The following ZNF506 variants were observed in gnomAD, a reference collection of about 807,000 sequenced individuals.
The protein encoded by ZNF506 is zinc finger protein 506.
Under a neutral mutation model 11.6 loss-of-function variants are expected in ZNF506, and 10 were observed. That is an observed-to-expected ratio of 0.86 (90% CI 0.53 to 1.46). The LOEUF is 1.46. Ranked by LOEUF, ZNF506 falls within the 40% of genes most tolerant of loss-of-function variation. The pLI, the probability that ZNF506 is intolerant of heterozygous loss-of-function variation, is 0.00. For synonymous variants in ZNF506, 156 were observed against 173.3 expected (o/e 0.90, Z 0.78); for missense variants, 425 against 521.2 (o/e 0.82, Z 1.80).
chr19:19,814,285 G>C (rs762816513), intron 1 of ZNF506, among the ~76,000 whole-genome samples: 2 of 151,944 alleles, frequency 1.3e-5, no homozygotes, highest in Non-Finnish European at 2.9e-5. Flanking sequence ...GCACGTGCCT[G>C]TAATTCCAGC....
chr19:19,813,356 G>A (rs1469705237), intron 1 of ZNF506, among the ~76,000 whole-genome samples: 3 of 151,922 alleles, frequency 2.0e-5, no homozygotes, highest in Non-Finnish European at 2.9e-5. Context: ...TTTAAAAATT[G>A]CAACTATATT....
rs1178993259 is a variant in ZNF506, at chr19:19,806,201, G to A, written c.131-75C>T. 26 of 1,085,028 alleles carry A rather than the reference G, an allele frequency of 2.4e-5. No homozygotes were observed. The East Asian group carries it at 7.4e-4, about 31-fold the overall frequency. 67.2% of individuals were successfully genotyped at this position (1,085,028 alleles called of 1,614,324 possible). On this transcript the variant is annotated intron_variant, in intron 2 of 3. Coordinates refer to ENST00000540806, the MANE Select transcript of ZNF506 (RefSeq NM_001099269.3). ...ACAAGCTAGTACTGTGCTCAGCAGA[G>A]AGGATGTGATAAAGTATTCTAGTAA...
intron 1 of ZNF506, among the ~76,000 whole-genome samples, chr19:19,814,220 C>T (rs969968668): frequency 4.0e-5 from 6 of 151,844 alleles, no homozygotes; most frequent in South Asian, 2.1e-4. Context: ...ACCAGCCTGA[C>T]CAACATGGAG....
chr19:19,793,926 A>T lies in ZNF506; in HGVS notation c.*626T>A, dbSNP rs761372668. 1 of 152,338 alleles carries T rather than the reference A, an allele frequency of 6.6e-6. No homozygotes were observed. Among genetic ancestry groups the T allele is most frequent in the Non-Finnish European group, 1.5e-5 (1 of 68,158 alleles). 9.4% of individuals were successfully genotyped at this position (152,338 alleles called of 1,614,324 possible). A position where few individuals can be genotyped will look rare whatever the true frequency, so the allele number is the denominator to read the frequency against. On this transcript the variant is annotated 3_prime_UTR_variant, in exon 4 of 4. Transcript: ENST00000540806. ...AGTATAATTTATTTTTATGTATACA[A>T]AAGTTGGAGGTGGTGGTAAAAGCAC...
At chr19:19,816,314 G>A (rs753046331) in intron 1 of ZNF506, among the ~76,000 whole-genome samples, 23 of 151,454 alleles carry the variant, frequency 1.5e-4, no homozygotes, top group Non-Finnish European at 5.9e-5. Context: ...TTCCCGAGTC[G>A]CTGGGATTAC....
At chr19:19,801,022 T>A (rs562756390) in intron 3 of ZNF506, among the ~76,000 whole-genome samples, 51 of 151,550 alleles carry the variant, frequency 3.4e-4, no homozygotes, top group African/African-American at 1.2e-3. Flanking sequence ...TAGCCAGGTA[T>A]GGTGGCGCAT....
intron 1 of ZNF506, among the ~76,000 whole-genome samples, chr19:19,819,315 T>G (rs1333458850): frequency 6.6e-6 from 1 of 151,576 alleles, no homozygotes; most frequent in Non-Finnish European, 1.5e-5. Flanking sequence ...GCAATGTGTC[T>G]CCAAGAAATG....
intron 1 of ZNF506, among the ~76,000 whole-genome samples, chr19:19,813,367 T>C (rs568009284): frequency 3.3e-5 from 5 of 152,296 alleles, no homozygotes; most frequent in Admixed American, 1.3e-4. Flanking sequence ...CAACTATATT[T>C]CAATTAAAAC....
chr19:19,811,564 T>C (rs911191623), intron 1 of ZNF506, among the ~76,000 whole-genome samples: 1 of 152,116 alleles, frequency 6.6e-6, no homozygotes, highest in Non-Finnish European at 1.5e-5. Context: ...AGCACTTTGG[T>C]AGGCCGAGGT....
chr19:19,795,945 C>G (rs931648809), intron 3 of ZNF506: 2 of 377,122 alleles, frequency 5.3e-6, no homozygotes, highest in Non-Finnish European at 1.0e-5. Context: ...TTACTTATAC[C>G]CAACACAGCT....
At chr19:19,818,036 C>A (rs536886743) in intron 1 of ZNF506, among the ~76,000 whole-genome samples, 54 of 152,066 alleles carry the variant, frequency 3.6e-4, no homozygotes, top group South Asian at 2.7e-3. Flanking sequence ...CCATGTTGAG[C>A]AGGCTGGTCT....
chr19:19,821,732 G>C lies in ZNF506; in HGVS notation c.-129C>G. On this transcript the variant is annotated 5_prime_UTR_variant, in exon 1 of 4. Coordinates refer to ENST00000540806, the MANE Select transcript of ZNF506 (RefSeq NM_001099269.3). ...CAGTGAAGACGATAGCTGGATCTCT[G>C]GCGTCAGCGAGAGACAATGGGCCCG... The C allele has an allele frequency of 1.6e-6, 2 of 1,254,224 alleles. No homozygotes were observed. Among genetic ancestry groups the C allele is most frequent in the Non-Finnish European group, 2.3e-6 (2 of 863,538 alleles). 77.7% of individuals were successfully genotyped at this position (1,254,224 alleles called of 1,614,324 possible).
intron 1 of ZNF506, among the ~76,000 whole-genome samples, chr19:19,808,669 A>G (rs538421330): frequency 1.3e-5 from 2 of 150,802 alleles, no homozygotes; most frequent in Admixed American, 6.6e-5. Context: ...ACAGGGTGAA[A>G]CCTCATCTCT....
rs1326210242 is a variant in ZNF506, at chr19:19,794,902, T to C, written c.985A>G (p.Thr329Ala). Residue 329 changes from threonine to alanine, a missense_variant, in exon 4 of 4, where the codon ACT becomes GCT. Around this residue, in one of 3 missense-constraint regions of ZNF506, gnomAD observed 192 missense variants for 215.7 expected, o/e 0.89. Coordinates refer to ENST00000540806, the MANE Select transcript of ZNF506 (RefSeq NM_001099269.3). ...CCAGTATGAATTCTCTTATGTTTAG[T>C]AAGGTTTGAGGAACGGTTAAAAGCT... ...GKAFNRSSNL[T>A]KHKRIHTGDV... 1.2e-6 allele frequency: 2 copies of C among 1,614,040 alleles called. No individual in the cohort carries two copies. Among genetic ancestry groups the C allele is most frequent in the South Asian group, 2.2e-5 (2 of 91,082 alleles).
At position 19,795,591 on chromosome 19, in the gene ZNF506, A is replaced by G. The variant is rs2062734066; in HGVS notation, c.296T>C (p.Ile99Thr). The change falls in exon 4 of 4, where the codon ATA becomes ACA. Residue 99 changes from isoleucine (I) to threonine (T), a missense_variant. Physicochemically the swap from Ile to Thr is moderately conservative, Grantham distance 89 (BLOSUM62 -1). Transcript: ENST00000540806. ...QSIKDSFQKV[I>T]LRRYEKCRHD... is the part of the protein sequence containing the mutation. ...TCTACATTTTTCATATCTTCTTAGT[A>G]TCACTTTTTGGAAAGAATCTTTTAT... 4 of 1,569,360 alleles carry G rather than the reference A, an allele frequency of 2.5e-6. No homozygotes were observed. The highest frequency in any genetic ancestry group is 3.4e-6 in the Non-Finnish European group (4 of 1,163,462).
chr19:19,816,586 C>A (rs2062933941), intron 1 of ZNF506, among the ~76,000 whole-genome samples: 1 of 152,058 alleles, frequency 6.6e-6, no homozygotes, highest in Non-Finnish European at 1.5e-5. Flanking sequence ...TCTCGATCTC[C>A]TGACCTCGTG....
chr19:19,807,751 C>T (rs1363909899), intron 1 of ZNF506, among the ~76,000 whole-genome samples: 1 of 152,076 alleles, frequency 6.6e-6, no homozygotes, highest in Non-Finnish European at 1.5e-5. Context: ...TCAGGTGATC[C>T]GCTGCTTCAG....
rs1303615049 is a variant in ZNF506 at position 19,794,820 on chromosome 19, A to C, written c.1067T>G (p.Leu356Arg). 1 of 1,613,848 alleles carries C rather than the reference A, an allele frequency of 6.2e-7. No homozygotes were observed. The highest frequency in any genetic ancestry group is 2.2e-5 in the East Asian group (1 of 44,848). ...AGTATGAGCTCTCTTATGTTTAGAG[A>C]GGCTTGAGTACCAGGTAAAGGTTTT... ...CGKTFTWYSSLSKHKRAHTGE... is the reference protein window; with the variant it reads ...CGKTFTWYSSRSKHKRAHTGE... The change falls in exon 4 of 4, where the codon CTC becomes CGC. Residue 356 changes from leucine (L) to arginine (R), a missense_variant. Physicochemically the swap from Leu to Arg is moderately radical, Grantham distance 102. Around this residue, in one of 3 missense-constraint regions of ZNF506, gnomAD observed 192 missense variants for 215.7 expected, o/e 0.89. Coordinates refer to ENST00000540806, the MANE Select transcript of ZNF506 (RefSeq NM_001099269.3).
At chr19:19,800,235 TA>T (rs1309391450) in intron 3 of ZNF506, among the ~76,000 whole-genome samples, 1 of 151,862 alleles carries the variant, frequency 6.6e-6, no homozygotes, top group Non-Finnish European at 1.5e-5. Context: ...ATAAAGCAGT[TA>T]TATGCTTAGA....
Sources: gnomAD v4.1 joint callset for allele counts (sites outside exome capture counted in the v4.1 genomes callset) on GRCh38, gnomAD v4.1.1 for gene constraint, gnomAD v4.1.1 regional missense constraint, MANE v1.5 for transcripts, NCBI Gene and HGNC (gene_info 2026-07-23, HGNC 2026-07-21) for gene names.